Variants in ZSCAN20 observed in about 807,000 individuals in gnomAD.
The protein encoded by ZSCAN20 is zinc finger and SCAN domain-containing protein 20.
A neutral mutation model predicts 97.1 loss-of-function variants in ZSCAN20; 39 were observed. The observed-to-expected ratio is 0.40, with a 90% CI of 0.31 to 0.52. ZSCAN20 has a LOEUF of 0.52. Ranked by LOEUF, ZSCAN20 falls within the 20% of genes least tolerant of loss-of-function variation. The pLI is 0.49. For missense variants in ZSCAN20, 1,115 were observed against 1,290.4 expected (o/e 0.86, Z 2.08); for synonymous variants, 456 against 467.3 (o/e 0.98, Z 0.31).
rs41265905 is a variant in ZSCAN20 at position 33,491,290 on chromosome 1, T to C, written c.1032T>C (p.Ser344=). ...CAATTTTGAGTGAATCTCCTTTCTC[T>C]GAAAAGCTCCGGACTTGTCACCAGA... is the stretch of plus-strand genomic sequence containing the variant. ...FLAILSESPF[S]EKLRTCHQNR... The change falls in exon 6 of 8, where the codon TCT becomes TCC. Residue 344 remains serine, a synonymous_variant. Coordinates refer to ENST00000684572, the MANE Select transcript of ZSCAN20 (RefSeq NM_001377376.1). The surrounding 1 kb of genome is among the most constrained non-coding windows in gnomAD (Gnocchi z 4.3). 18,071 of 1,614,136 alleles carry C rather than the reference T, an allele frequency of 0.011. 282 individuals are homozygous for C. The highest frequency in any genetic ancestry group is 0.054 in the South Asian group (4,936 of 91,076).
intron 1 of ZSCAN20, among the ~76,000 whole-genome samples, chr1:33,477,249 C>T (rs1056314630): frequency 2.6e-5 from 4 of 152,126 alleles, no homozygotes; most frequent in African/African-American, 9.7e-5. Flanking sequence ...GTGCTTTAAG[C>T]CTCTTCCTAA....
Position 33,496,200 on chromosome 1 carries a change from AGATC to A in ZSCAN20, c.*725_*728del, listed in dbSNP as rs2148483054. On this transcript the variant is annotated 3_prime_UTR_variant, in exon 8 of 8. Transcript: ENST00000684572. ...GTAAGTGGGAGAGGCAGGATTCAACAGATCTGTCTGTCTTGAGTCTATCGTGCTC... is the reference window on the plus strand; with the variant it reads ...GTAAGTGGGAGAGGCAGGATTCAACATGTCTGTCTTGAGTCTATCGTGCTC... 6.6e-6 allele frequency: 1 copy of A among 152,336 alleles called. No individual in the cohort carries two copies. The highest frequency in any genetic ancestry group is 1.9e-4 in the East Asian group (1 of 5,190). 9.4% of individuals were successfully genotyped at this position (152,336 alleles called of 1,614,324 possible). A position where few individuals can be genotyped will look rare whatever the true frequency, so the allele number is the denominator to read the frequency against.
chr1:33,494,585 T>C lies in ZSCAN20; in HGVS notation c.2241T>C (p.Phe747=), dbSNP rs1029525431. ...AATGCCTTGAATGTGGAAAAAACTT[T>C]AGTGACCGCTCTAACCTCAATACCC... is the stretch of plus-strand genomic sequence containing the variant. ...PYKCLECGKN[F]SDRSNLNTHQ... The change falls in exon 8 of 8, where the codon TTT becomes TTC. Residue 747 remains phenylalanine, a synonymous_variant. Coordinates refer to ENST00000684572, the MANE Select transcript of ZSCAN20 (RefSeq NM_001377376.1). 1.9e-6 allele frequency: 3 copies of C among 1,613,430 alleles called. No homozygotes were observed. Among genetic ancestry groups the C allele is most frequent in the East Asian group, 2.2e-5 (1 of 44,870 alleles).
chr1:33,491,434 C>T lies in ZSCAN20; in HGVS notation c.1176C>T (p.Ser392=), dbSNP rs1570561598. The part of the protein sequence containing the change: ...NLLRNYRKAK[S]SHPPGTCPFY... The stretch of plus-strand genomic sequence containing the variant: ...TACGGAATTACCGGAAAGCCAAGAG[C>T]AGCCACCCACCAGGTACCTGCCCCT... The change falls in exon 6 of 8, where the codon AGC becomes AGT. Residue 392 remains serine (S), a synonymous_variant. Transcript: ENST00000684572. This position sits in a 1 kb window ranked among gnomAD's most constrained non-coding sequence, Gnocchi z 4.3. 3 of 1,614,086 alleles carry T rather than the reference C, an allele frequency of 1.9e-6. No individual in the cohort carries two copies. The African/African-American group carries it at 4.0e-5, about 22-fold the overall frequency.
At chr1:33,476,294 G>A (rs367544707) in intron 1 of ZSCAN20, among the ~76,000 whole-genome samples, 2 of 152,076 alleles carry the variant, frequency 1.3e-5, no homozygotes, top group Non-Finnish European at 2.9e-5. Context: ...TCCATACTTC[G>A]GTCTAACTTC....
chr1:33,487,133 A>G (rs1652400192), intron 2 of ZSCAN20, among the ~76,000 whole-genome samples: 1 of 152,258 alleles, frequency 6.6e-6, no homozygotes, highest in African/African-American at 2.4e-5. Context: ...AGAATGCAGA[A>G]GAGCATAGTT....
chr1:33,483,441 C>T (rs1652231628), intron 2 of ZSCAN20, among the ~76,000 whole-genome samples: 1 of 151,980 alleles, frequency 6.6e-6, no homozygotes, highest in Non-Finnish European at 1.5e-5. Flanking sequence ...GTCTTGATTA[C>T]TATAGTTTAT....
intron 5 of ZSCAN20, among the ~76,000 whole-genome samples, chr1:33,489,899 A>AT (rs975586375): frequency 8.6e-5 from 13 of 151,942 alleles, no homozygotes; most frequent in South Asian, 2.1e-4. Context: ...CAGAAATCTG[A>AT]TTTTTTTTAG....
rs1009648708 is a variant in ZSCAN20, at chr1:33,496,230, T to C, written c.*754T>C. 2.6e-5 allele frequency: 4 copies of C among 152,230 alleles called. No individual in the cohort carries two copies. The highest frequency in any genetic ancestry group is 5.9e-5 in the Non-Finnish European group (4 of 68,042). The allele number at this position is 152,230 out of a possible 1,614,324, so 9.4% of individuals were successfully genotyped here. A position where few individuals can be genotyped will look rare whatever the true frequency, so the allele number is the denominator to read the frequency against. On this transcript the variant is annotated 3_prime_UTR_variant, in exon 8 of 8. Coordinates refer to ENST00000684572, the MANE Select transcript of ZSCAN20 (RefSeq NM_001377376.1). Reference sequence around the variant, plus strand: ...TGTCTGTCTTGAGTCTATCGTGCTCTTATTGCTATACTGAATTCCCATTCA... The same window carrying C: ...TGTCTGTCTTGAGTCTATCGTGCTCCTATTGCTATACTGAATTCCCATTCA...
intron 2 of ZSCAN20, among the ~76,000 whole-genome samples, chr1:33,485,490 C>T (rs1482478608): frequency 6.6e-6 from 1 of 150,754 alleles, no homozygotes; most frequent in Non-Finnish European, 1.5e-5. Context: ...GCTCACTGCA[C>T]CCTCTGCCTC....
At chr1:33,477,013 A>G (rs1455739955) in intron 1 of ZSCAN20, among the ~76,000 whole-genome samples, 2 of 152,200 alleles carry the variant, frequency 1.3e-5, no homozygotes, top group Admixed American at 1.3e-4. Context: ...GATTCTAGTA[A>G]TATAGTATAA....
At chr1:33,492,483 G>C (rs1208981031) in intron 6 of ZSCAN20, 1 of 152,174 alleles carries the variant, frequency 6.6e-6, no homozygotes, top group Non-Finnish European at 1.5e-5. Context: ...TTGTTAAAAG[G>C]AGAATTTATG....
chr1:33,488,316 C>T (rs1652447245), intron 2 of ZSCAN20, 149 bp from the exon 3 acceptor site: 2 of 722,278 alleles, frequency 2.8e-6, no homozygotes, highest in Non-Finnish European at 4.6e-6. Context: ...GGTCTACCTA[C>T]CAAACTCACT....
In ZSCAN20 at chr1:33,491,544, G is replaced by C. The variant is rs374042442; in HGVS notation, c.1286G>C (p.Arg429Thr). Residue 429 changes from arginine (R) to threonine (T), a missense_variant, in exon 6 of 8, where the codon AGG becomes ACG. By Grantham distance (71) the Arg-to-Thr change is moderately conservative. Around this residue, in one of 3 missense-constraint regions of ZSCAN20, gnomAD observed 508 missense variants for 611.2 expected, o/e 0.83. Coordinates refer to ENST00000684572, the MANE Select transcript of ZSCAN20 (RefSeq NM_001377376.1). This position sits in a 1 kb window ranked among gnomAD's most constrained non-coding sequence, Gnocchi z 4.3. ...DGPGEAVALP[R>T]LGYSDAEMDE... Reference sequence around the variant, plus strand: ...CCAGGAGAGGCCGTGGCACTTCCCAGGCTCGGGTATAGTGACGCAGAGATG... The same window carrying C: ...CCAGGAGAGGCCGTGGCACTTCCCACGCTCGGGTATAGTGACGCAGAGATG... The C allele has an allele frequency of 3.1e-6, 5 of 1,614,024 alleles. No homozygotes were observed. Among genetic ancestry groups the C allele is most frequent in the Non-Finnish European group, 8.5e-7 (1 of 1,180,004 alleles).
chr1:33,493,707 A>G lies in ZSCAN20; in HGVS notation c.1873+92A>G. ...TCATTATCTTTTGTCTCTTAACTAA[A>G]AGAGAGAATGGGATTGAATGGGAAA... On this transcript the variant is annotated intron_variant, in intron 7 of 7. Transcript: ENST00000684572. This position sits in a 1 kb window ranked among gnomAD's most constrained non-coding sequence, Gnocchi z 4.3. 7.4e-7 allele frequency: 1 copy of G among 1,354,156 alleles called. No individual in the cohort carries two copies. Among genetic ancestry groups the G allele is most frequent in the Non-Finnish European group, 1.0e-6 (1 of 1,002,992 alleles). 83.9% of individuals were successfully genotyped at this position (1,354,156 alleles called of 1,614,324 possible).
chr1:33,495,518 A>G lies in ZSCAN20; in HGVS notation c.*42A>G, dbSNP rs764990724. 4.2e-6 allele frequency: 6 copies of G among 1,442,126 alleles called. No individual in the cohort carries two copies. Among genetic ancestry groups the G allele is most frequent in the South Asian group, 1.8e-5 (1 of 55,006 alleles). 89.3% of individuals were successfully genotyped at this position (1,442,126 alleles called of 1,614,324 possible). On this transcript the variant is annotated 3_prime_UTR_variant, in exon 8 of 8. Transcript: ENST00000684572. The stretch of plus-strand genomic sequence containing the variant: ...CAACAAAGGAGGACTCAATGTATAT[A>G]TCTTATATCATAAGATGTATGCTAG...
chr1:33,493,276 C>T lies in ZSCAN20; in HGVS notation c.1534C>T (p.Gln512Ter). ...PFSEKLRTCH[Q>*]NSQVYRAIAE... is the part of the protein sequence containing the mutation. ...CTCGGAAAAGCTTCGTACCTGTCAC[C>T]AGAACAGCCAGGTGTACCGGGCCAT... The change falls in exon 7 of 8, where the codon CAG becomes TAG. Residue 512 changes from glutamine to a stop codon, truncating the protein, a stop_gained. Coordinates refer to ENST00000684572, the MANE Select transcript of ZSCAN20 (RefSeq NM_001377376.1). LOFTEE classifies it high-confidence loss of function. The surrounding 1 kb of genome is among the most constrained non-coding windows in gnomAD (Gnocchi z 4.3). The T allele has an allele frequency of 1.9e-6, 3 of 1,614,200 alleles. No homozygotes were observed. Among genetic ancestry groups the T allele is most frequent in the Non-Finnish European group, 2.5e-6 (3 of 1,180,024 alleles).
At chr1:33,477,607 A>C (rs1465403424) in intron 1 of ZSCAN20, among the ~76,000 whole-genome samples, 1 of 150,930 alleles carries the variant, frequency 6.6e-6, no homozygotes, top group Non-Finnish European at 1.5e-5. Flanking sequence ...CATGGAAATA[A>C]AAGAGAAAGG....
rs755499956 is a variant in ZSCAN20, at chr1:33,479,379, G to A, written c.91G>A (p.Gly31Arg). The change falls in exon 2 of 8, where the codon GGA becomes AGA. Residue 31 changes from glycine to arginine, a missense_variant. By Grantham distance (125) the Gly-to-Arg change is moderately radical. Transcript: ENST00000684572. ...TGTGAAACTGGAAGAGGACTCTTGG[G>A]GATCAGAATCCAAACTCTGGGAGAA... ...LIVKLEEDSW[G>R]SESKLWEKDR... The A allele has an allele frequency of 6.2e-7, 1 of 1,614,248 alleles. No individual in the cohort carries two copies. Among genetic ancestry groups the A allele is most frequent in the East Asian group, 2.2e-5 (1 of 44,886 alleles).
Sources: gnomAD v4.1 joint callset for allele counts (sites outside exome capture counted in the v4.1 genomes callset) on GRCh38, gnomAD v4.1.1 for gene constraint, gnomAD v4.1.1 regional missense constraint, Gnocchi (gnomAD v3.1) non-coding constraint, MANE v1.5 for transcripts, NCBI Gene and HGNC (gene_info 2026-07-23, HGNC 2026-07-21) for gene names.